The following TMEM150C variants were observed in gnomAD, a reference collection of about 807,000 sequenced individuals.
TMEM150C encodes the protein tentonin 3.
Under a neutral mutation model 29.9 loss-of-function variants are expected in TMEM150C, and 10 were observed. The ratio of observed to expected loss-of-function variants is 0.33; its 90% CI spans 0.21 to 0.57. TMEM150C has a LOEUF of 0.57. Ranked by LOEUF, TMEM150C falls within the 20% of genes least tolerant of loss-of-function variation. The probability of loss-of-function intolerance (pLI) is 0.88; values close to 1 mark genes in which losing one functional copy is unlikely to be tolerated. For missense variants in TMEM150C, 251 were observed against 303.6 expected (o/e 0.83, Z 1.29); for synonymous variants, 101 against 112.5 (o/e 0.90, Z 0.64).
At chr4:82,556,832 G>A (rs1307640934) in intron 1 of TMEM150C, among the ~76,000 whole-genome samples, 1 of 152,196 alleles carries the variant, frequency 6.6e-6, no homozygotes, top group Non-Finnish European at 1.5e-5. Flanking sequence ...CACCCTATGG[G>A]ATGGACACTA....
intron 5 of TMEM150C, among the ~76,000 whole-genome samples, 177 bp downstream of exon 5, chr4:82,502,550 A>C (rs968756147): frequency 6.6e-6 from 1 of 152,226 alleles, no homozygotes; most frequent in Non-Finnish European, 1.5e-5. Flanking sequence ...GGGTGAACGT[A>C]AATGGATGTA....
chr4:82,492,864 GTATATATA>G (rs58169287), intron 6 of TMEM150C, among the ~76,000 whole-genome samples: 4,520 of 90,252 alleles, frequency 0.05, 334 homozygotes, highest in African/African-American at 0.15. Flanking sequence ...ATATGTTTGT[GTATATATA>G]TATATATATA....
At chr4:82,491,328 G>T in intron 6 of TMEM150C, 1 of 658,068 alleles carries the variant, frequency 1.5e-6, no homozygotes, top group Non-Finnish European at 2.7e-6. Context: ...GTACCTGTGG[G>T]CTAGCTTAAG....
At chr4:82,520,535 C>G (rs1189819780) in intron 1 of TMEM150C, among the ~76,000 whole-genome samples, 1 of 152,202 alleles carries the variant, frequency 6.6e-6, no homozygotes, top group Non-Finnish European at 1.5e-5. Context: ...CTGAACCACT[C>G]CTTGCTACAG....
intron 1 of TMEM150C, among the ~76,000 whole-genome samples, chr4:82,552,641 T>TA (rs1455537127): frequency 6.6e-6 from 1 of 152,080 alleles, no homozygotes; most frequent in Non-Finnish European, 1.5e-5. Context: ...GGGAAGCTTT[T>TA]AAAAAAAAGT....
intron 1 of TMEM150C, among the ~76,000 whole-genome samples, chr4:82,518,288 C>T (rs112079116): frequency 2.0e-5 from 3 of 152,122 alleles, no homozygotes; most frequent in African/African-American, 7.2e-5. Flanking sequence ...TCCACTCCAG[C>T]CTGGATGACA....
chr4:82,485,141 G>A lies in TMEM150C; in HGVS notation c.*370C>T, dbSNP rs1578115433. On this transcript the variant is annotated 3_prime_UTR_variant, in exon 8 of 8. Transcript: ENST00000449862. ...CAAGCCCTTTGGACCTGAAGGCAAC[G>A]TCGGGAGTTGGCATTACTCCCAAGG... is the stretch of plus-strand genomic sequence containing the variant. 1 of 200,254 alleles carries A rather than the reference G, an allele frequency of 5.0e-6. No individual in the cohort carries two copies. The highest frequency in any genetic ancestry group is 1.0e-5 in the Non-Finnish European group (1 of 97,890). 12.4% of individuals were successfully genotyped at this position (200,254 alleles called of 1,614,324 possible). A position where few individuals can be genotyped will look rare whatever the true frequency, so the allele number is the denominator to read the frequency against.
In TMEM150C at chr4:82,485,040, C is replaced by T. The variant is rs577663340; in HGVS notation, c.*471G>A. Reference sequence around the variant, plus strand: ...CAGGGTCACATCTCAATACAATTTCCGTCCTATTCTATGATACACTATTAT... The same window carrying T: ...CAGGGTCACATCTCAATACAATTTCTGTCCTATTCTATGATACACTATTAT... On this transcript the variant is annotated 3_prime_UTR_variant, in exon 8 of 8. Coordinates refer to ENST00000449862, the MANE Select transcript of TMEM150C (RefSeq NM_001080506.3). 174 of 155,936 alleles carry T rather than the reference C, an allele frequency of 1.1e-3. No individual in the cohort carries two copies. The highest frequency in any genetic ancestry group is 1.2e-3 in the Non-Finnish European group (87 of 70,464). 9.7% of individuals were successfully genotyped at this position (155,936 alleles called of 1,614,324 possible).
intron 1 of TMEM150C, among the ~76,000 whole-genome samples, chr4:82,514,532 G>A (rs1248936314): frequency 6.6e-6 from 1 of 152,108 alleles, no homozygotes; most frequent in African/African-American, 2.4e-5. Context: ...TTGGGATGAA[G>A]CAAGTGTGTT....
Position 82,496,069 on chromosome 4 carries a change from T to C in TMEM150C, c.362A>G (p.Gln121Arg), listed in dbSNP as rs1414351455. ...SFGMTLLGNF[Q>R]LTNDEEIHNV... ...GGTGAAAAAGGCCAAATCAAGTACC[T>C]GAAAATTACCAAGTAAGGTCATTCC... The change falls in exon 6 of 8, where the codon CAG becomes CGG. Residue 121 changes from glutamine (Q) to arginine (R), a missense_variant and splice_region_variant. Physicochemically the swap from Gln to Arg is conservative, Grantham distance 43. Transcript: ENST00000449862. 6.2e-7 allele frequency: 1 copy of C among 1,613,792 alleles called. No homozygotes were observed. Among genetic ancestry groups the C allele is most frequent in the Non-Finnish European group, 8.5e-7 (1 of 1,179,856 alleles).
At chr4:82,531,035 GA>G (rs1724829616) in intron 1 of TMEM150C, among the ~76,000 whole-genome samples, 1 of 152,142 alleles carries the variant, frequency 6.6e-6, no homozygotes, top group South Asian at 2.1e-4. Context: ...CAACACTGGG[GA>G]TTACATTTTG....
At chr4:82,530,118 T>G (rs1724792481) in intron 1 of TMEM150C, among the ~76,000 whole-genome samples, 3 of 141,686 alleles carry the variant, frequency 2.1e-5, no homozygotes, top group Admixed American at 7.0e-5. Context: ...AGAGAGAGAG[T>G]GAGAGAGATG....
At chr4:82,519,222 GT>G (rs1329180114) in intron 1 of TMEM150C, among the ~76,000 whole-genome samples, 1 of 152,008 alleles carries the variant, frequency 6.6e-6, no homozygotes, top group Non-Finnish European at 1.5e-5. Flanking sequence ...CTACAACATG[GT>G]TTTCTGAACA....
chr4:82,497,067 G>C (rs1056485446), intron 5 of TMEM150C, among the ~76,000 whole-genome samples: 8 of 152,188 alleles, frequency 5.3e-5, no homozygotes, highest in Admixed American at 1.3e-4. Flanking sequence ...AATTTGAAGA[G>C]AGAATGAGGG....
intron 1 of TMEM150C, among the ~76,000 whole-genome samples, chr4:82,511,379 GAT>G (rs776356074): frequency 2.0e-4 from 31 of 151,646 alleles, no homozygotes; most frequent in Non-Finnish European, 3.5e-4. Context: ...TCATTCAACT[GAT>G]AGATGACTAT....
At chr4:82,527,668 A>T (rs886761303) in intron 1 of TMEM150C, among the ~76,000 whole-genome samples, 2 of 152,060 alleles carry the variant, frequency 1.3e-5, no homozygotes, top group African/African-American at 4.8e-5. Flanking sequence ...GTCCCTTCCT[A>T]ACTCTCTGCC....
chr4:82,495,210 A>T, intron 6 of TMEM150C: 1 of 320,776 alleles, frequency 3.1e-6, no homozygotes, highest in African/African-American at 2.2e-5. Context: ...TGGGAGGCCG[A>T]GGCGGGCAGA....
At position 82,556,069 on chromosome 4, in the gene TMEM150C, G is replaced by A. The variant is rs149405078; in HGVS notation, c.-11+5837C>T. Among the ~76,000 whole-genome samples, 378 of 152,066 alleles carry A rather than the reference G, an allele frequency of 2.5e-3. 5 individuals carry two copies. The highest frequency in any genetic ancestry group is 8.5e-3 in the African/African-American group (354 of 41,490). ...AGTTAGGATTTGAACCTAGGGGTCCGGGGTCCTGTTTTTCTAGTGTTGTTT... is the reference window on the plus strand; with the variant it reads ...AGTTAGGATTTGAACCTAGGGGTCCAGGGTCCTGTTTTTCTAGTGTTGTTT... On this transcript the variant is annotated intron_variant, in intron 1 of 7. Transcript: ENST00000449862.
chr4:82,495,365 C>A (rs187838455), intron 6 of TMEM150C: 42 of 227,844 alleles, frequency 1.8e-4, no homozygotes, highest in African/African-American at 8.0e-4. Context: ...TACTTGAACC[C>A]GGGAGGCGGA....
Sources: allele counts gnomAD v4.1 joint callset (sites outside exome capture counted in the v4.1 genomes callset), GRCh38; gene constraint gnomAD v4.1.1; transcripts MANE v1.5; gene names NCBI Gene and HGNC (gene_info 2026-07-23, HGNC 2026-07-21).